CDCA7: variants seen among roughly 807,000 people sequenced by gnomAD.
The protein encoded by CDCA7 is cell division cycle-associated protein 7.
In CDCA7, 28 loss-of-function variants were observed where a neutral mutation model predicts 54.0. The ratio of observed to expected loss-of-function variants is 0.52; its 90% CI spans 0.38 to 0.71. The LOEUF (loss-of-function observed/expected upper bound fraction) is 0.71. Among genes scored for constraint, CDCA7 ranks in the 30% least tolerant of loss-of-function variants. CDCA7 has a pLI of 0.00. For missense variants in CDCA7, 484 were observed against 586.0 expected, an observed-to-expected ratio of 0.83 and a Z score of 1.80; for synonymous variants, 180 against 208.2, an observed-to-expected ratio of 0.86 and a Z score of 1.16.
At chr2:173,361,429 T>TA (rs1319964420) in intron 3 of CDCA7, among the ~76,000 whole-genome samples, 1 of 149,916 alleles carries the variant, frequency 6.7e-6, no homozygotes, top group African/African-American at 2.5e-5. Flanking sequence ...TTTTTGCTAA[T>TA]ACTTTTTTTT....
chr2:173,355,045 G>C (rs28362634), intron 1 of CDCA7, 61 bp downstream of exon 1: 74,281 of 1,291,732 alleles, frequency 0.058, 2,557 homozygotes, highest in East Asian at 0.12. Context: ...GCAGGCGGGC[G>C]CGGGCCGACC....
chr2:173,362,591 T>TG (rs35100236), intron 3 of CDCA7, among the ~76,000 whole-genome samples: 1 of 151,528 alleles, frequency 6.6e-6, no homozygotes, highest in Non-Finnish European at 1.5e-5. Context: ...TTTTTTTTTT[T>TG]CAAGACAGGG....
At chr2:173,363,954 G>A in intron 5 of CDCA7, 59 bp downstream of exon 5, 1 of 1,449,366 alleles carries the variant, frequency 6.9e-7, no homozygotes, top group Non-Finnish European at 9.6e-7. Context: ...AGGTCGATCT[G>A]TGTTGTATTT....
chr2:173,356,979 T>C lies in CDCA7; in HGVS notation c.22-1733T>C, dbSNP rs569260528. 1.4e-3 allele frequency among the ~76,000 whole-genome samples: 216 copies of C among 152,334 alleles called. 1 individual carries two copies. Among genetic ancestry groups the C allele is most frequent in the Non-Finnish European group, 1.1e-3 (72 of 68,030 alleles). On this transcript the variant is annotated intron_variant, in intron 1 of 9. Coordinates refer to ENST00000306721, the MANE Select transcript of CDCA7 (RefSeq NM_031942.5). ...TTTATCTGCAAGAGACTGAAATGCG[T>C]AATGTTAGGCCAAGAAGGAGGGCAA...
At position 173,366,203 on chromosome 2, in the gene CDCA7, G is replaced by A. The variant is rs1686715986; in HGVS notation, c.1036-80G>A. 6.8e-7 allele frequency: 1 copy of A among 1,478,944 alleles called. No homozygotes were observed. Among genetic ancestry groups the A allele is most frequent in the Non-Finnish European group, 9.2e-7 (1 of 1,089,350 alleles). 91.6% of individuals were successfully genotyped at this position (1,478,944 alleles called of 1,614,324 possible). A position where few individuals can be genotyped will look rare whatever the true frequency, so the allele number is the denominator to read the frequency against. The stretch of plus-strand genomic sequence containing the variant: ...AAATGTAAGCCTATACTACGAAGAG[G>A]GACATTCTGTAAATATGCCATTTCC... On this transcript the variant is annotated intron_variant, in intron 7 of 9. Transcript: ENST00000306721. This position sits in a 1 kb window ranked among gnomAD's most constrained non-coding sequence, Gnocchi z 4.5.
intron 3 of CDCA7, among the ~76,000 whole-genome samples, chr2:173,362,190 C>G (rs1394519749): frequency 1.3e-5 from 2 of 152,126 alleles, no homozygotes; most frequent in Non-Finnish European, 2.9e-5. Flanking sequence ...ACCTATATTA[C>G]TTTTGGAATC....
chr2:173,365,061 G>A (rs1376105825), intron 6 of CDCA7, 72 bp downstream of exon 6: 3 of 1,476,462 alleles, frequency 2.0e-6, no homozygotes, highest in Non-Finnish European at 2.7e-6. Context: ...ACACAGCACA[G>A]GTACACGCAC....
rs1054084502 is a variant in CDCA7, at chr2:173,358,295, C to T, written c.22-417C>T. 1.1e-4 allele frequency among the ~76,000 whole-genome samples: 17 copies of T among 152,096 alleles called. 1 individual carries two copies. The East Asian group carries it at 2.5e-3, about 22-fold the overall frequency. Reference sequence around the variant, plus strand: ...GTAATCCAAGCCCTTTGGGAGGCTCCGGTGGGAGGATCACTTGAGCCCAGG... The same window carrying T: ...GTAATCCAAGCCCTTTGGGAGGCTCTGGTGGGAGGATCACTTGAGCCCAGG... On this transcript the variant is annotated intron_variant, in intron 1 of 9. Coordinates refer to ENST00000306721, the MANE Select transcript of CDCA7 (RefSeq NM_031942.5).
At chr2:173,356,544 A>G (rs1686510217) in intron 1 of CDCA7, among the ~76,000 whole-genome samples, 1 of 152,110 alleles carries the variant, frequency 6.6e-6, no homozygotes, top group Admixed American at 6.5e-5. Flanking sequence ...CCCAACATTC[A>G]TTGTGTCCCA....
chr2:173,357,916 T>G (rs892795535), intron 1 of CDCA7, among the ~76,000 whole-genome samples: 2 of 152,080 alleles, frequency 1.3e-5, no homozygotes, highest in African/African-American at 4.8e-5. Context: ...TTGACCTGGT[T>G]TTGGCCGGGC....
intron 3 of CDCA7, among the ~76,000 whole-genome samples, chr2:173,361,356 A>C (rs1183702207): frequency 6.6e-6 from 1 of 152,200 alleles, no homozygotes; most frequent in Non-Finnish European, 1.5e-5. Context: ...TGAGAAATAG[A>C]CAAAGTGGCT....
In CDCA7 at chr2:173,363,290, G is replaced by C. The variant is rs1686658524; in HGVS notation, c.449G>C (p.Arg150Thr). 6.2e-7 allele frequency: 1 copy of C among 1,614,180 alleles called. No individual in the cohort carries two copies. Among genetic ancestry groups the C allele is most frequent in the Admixed American group, 1.7e-5 (1 of 60,016 alleles). Residue 150 changes from arginine (R) to threonine (T), a missense_variant, in exon 4 of 10, where the codon AGG becomes ACG. Coordinates refer to ENST00000306721, the MANE Select transcript of CDCA7 (RefSeq NM_031942.5). ...RSQCRHSGPL[R>T]VAMKFPARST... ...CAGTGCAGGCACTCTGGACCTCTCA[G>C]GGTGGCGATGAAGTTTCCAGCGCGG... is the stretch of plus-strand genomic sequence containing the variant.
At position 173,359,391 on chromosome 2, in the gene CDCA7, C is replaced by A. The variant is rs749728125; in HGVS notation, c.284C>A (p.Pro95Gln). The change falls in exon 3 of 10, where the codon CCA (proline) becomes CAA (glutamine). Residue 95 changes from proline to glutamine, a missense_variant. Transcript: ENST00000306721. The part of the protein sequence containing the change: ...VLDHCGFLQK[P>Q]RPDVTNELAG... Reference sequence around the variant, plus strand: ...GACCATTGTGGATTTTTACAGAAACCAAGGCCAGATGTCACTAACGAACTG... The same window carrying A: ...GACCATTGTGGATTTTTACAGAAACAAAGGCCAGATGTCACTAACGAACTG... 2 of 1,613,958 alleles carry A rather than the reference C, an allele frequency of 1.2e-6. No individual in the cohort carries two copies. The highest frequency in any genetic ancestry group is 8.5e-7 in the Non-Finnish European group (1 of 1,180,026).
At chr2:173,356,421 A>G (rs1277179626) in intron 1 of CDCA7, among the ~76,000 whole-genome samples, 1 of 152,212 alleles carries the variant, frequency 6.6e-6, no homozygotes, top group Non-Finnish European at 1.5e-5. Context: ...CTGCTTAAGA[A>G]GATGGCAGAC....
At chr2:173,363,982 AT>A in intron 5 of CDCA7, 87 bp downstream of exon 5, 1 of 1,265,246 alleles carries the variant, frequency 7.9e-7, no homozygotes, top group Non-Finnish European at 1.1e-6. Context: ...TAATTTCTTT[AT>A]TTGTGTGGCC....
chr2:173,358,702 C>A lies in CDCA7; in HGVS notation c.22-10C>A. 1 of 1,611,252 alleles carries A rather than the reference C, an allele frequency of 6.2e-7. No individual in the cohort carries two copies. The highest frequency in any genetic ancestry group is 8.5e-7 in the Non-Finnish European group (1 of 1,178,854). ...ATCACGCTTAATAGGATTGCTATTT[C>A]CATTTGCAGCAGAAAGATCTCAGAG... is the stretch of plus-strand genomic sequence containing the variant. On this transcript the variant is annotated splice_polypyrimidine_tract_variant and intron_variant, in intron 1 of 9. Transcript: ENST00000306721.
In CDCA7 at chr2:173,366,329, C is replaced by G. The variant is rs1384655129; in HGVS notation, c.1082C>G (p.Thr361Arg). ...CGTCAGAAGACTATTGATACCAAAA[C>G]AAACTGCAGAAACCCAGACTGCTGG... is the stretch of plus-strand genomic sequence containing the variant. ...QCRQKTIDTK[T>R]NCRNPDCWGV... is the part of the protein sequence containing the mutation. The change falls in exon 8 of 10, where the codon ACA (threonine) becomes AGA (arginine). Residue 361 changes from threonine to arginine, a missense_variant. Thr to Arg is a moderately conservative substitution (Grantham distance 71, BLOSUM62 -1). Coordinates refer to ENST00000306721, the MANE Select transcript of CDCA7 (RefSeq NM_031942.5). The surrounding 1 kb of genome is among the most constrained non-coding windows in gnomAD (Gnocchi z 4.5). 11 of 1,612,912 alleles carry G rather than the reference C, an allele frequency of 6.8e-6. No homozygotes were observed. The highest frequency in any genetic ancestry group is 8.5e-6 in the Non-Finnish European group (10 of 1,179,622).
chr2:173,365,729 G>GAAAAGTTTTACAGTATCCCTGGGATT, intron 7 of CDCA7, 137 bp downstream of exon 7: 1 of 986,626 alleles, frequency 1.0e-6, no homozygotes, highest in Non-Finnish European at 1.4e-6. Context: ...CACAAGGAAG[G>GAAAAGTTTTACAGTATCCCTGGGATT]AAAAGTTTTA....
At chr2:173,367,520 ACC>A in intron 9 of CDCA7, 112 bp from the exon 10 acceptor site, 1 of 1,381,522 alleles carries the variant, frequency 7.2e-7, no homozygotes, top group South Asian at 1.2e-5. Context: ...CGCACACTTG[ACC>A]ATAGTGATGT....
Sources: allele counts gnomAD v4.1 joint callset (sites outside exome capture counted in the v4.1 genomes callset), GRCh38; gene constraint gnomAD v4.1.1; non-coding constraint Gnocchi (gnomAD v3.1); transcripts MANE v1.5; gene names NCBI Gene and HGNC (gene_info 2026-07-23, HGNC 2026-07-21).